The following ACKR4 variants were observed in gnomAD, a reference collection of about 807,000 sequenced individuals.
ACKR4 encodes the protein atypical chemokine receptor 4.
Under a neutral mutation model 8.5 loss-of-function variants are expected in ACKR4, and 2 were observed. The observed-to-expected ratio is 0.23, with a 90% CI of 0.10 to 0.74. The LOEUF is 0.74. Among genes scored for constraint, ACKR4 ranks in the 30% least tolerant of loss-of-function variants. The pLI, the probability that ACKR4 is intolerant of heterozygous loss-of-function variation, is 0.75. For missense variants in ACKR4, 167 were observed against 422.1 expected (o/e 0.40, Z 5.30); for synonymous variants, 67 against 145.0 (o/e 0.46, Z 3.86).
chr3:132,600,571 C>A lies in ACKR4; in HGVS notation c.174C>A (p.Gly58=), dbSNP rs1559949655. 1 of 1,613,934 alleles carries A rather than the reference C, an allele frequency of 6.2e-7. No homozygotes were observed. Residue 58 remains glycine, a synonymous_variant, in exon 2 of 2, where the codon GGC becomes GGA. Coordinates refer to ENST00000249887, the MANE Select transcript of ACKR4 (RefSeq NM_016557.4). The stretch of plus-strand genomic sequence containing the variant: ...TAGTTTTCGTCATTGGACTTGCAGG[C>A]AATTCCATGGTAGTGGCAATTTATG... ...LTIVFVIGLA[G]NSMVVAIYAY...
At chr3:132,600,350 T>A (rs1938512796) in intron 1 of ACKR4, 39 bp from the exon 2 acceptor site, 6 of 1,473,966 alleles carry the variant, frequency 4.1e-6, no homozygotes, top group Non-Finnish European at 5.4e-6. Context: ...TTAAGCATAT[T>A]TAGACAAATA....
In ACKR4 at chr3:132,602,296, A is replaced by G. The variant is rs1460045506; in HGVS notation, c.*846A>G. On this transcript the variant is annotated 3_prime_UTR_variant, in exon 2 of 2. Transcript: ENST00000249887. ...TTCTATGATGTCAACTTTCTTACTA[A>G]TAACTGGTTATCATGACAAATGTTA... 1 of 166,980 alleles carries G rather than the reference A, an allele frequency of 6.0e-6. No homozygotes were observed. Among genetic ancestry groups the G allele is most frequent in the South Asian group, 2.1e-4 (1 of 4,834 alleles). The allele number at this position is 166,980 out of a possible 1,614,324, so 10.3% of individuals were successfully genotyped here. A position where few individuals can be genotyped will look rare whatever the true frequency, so the allele number is the denominator to read the frequency against.
In ACKR4 at chr3:132,597,506, T is replaced by C. The variant is rs117854933; in HGVS notation, c.-10+183T>C. Among the ~76,000 whole-genome samples, 716 of 152,168 alleles carry C rather than the reference T, an allele frequency of 4.7e-3. 17 individuals are homozygous for C. In the East Asian group the frequency reaches 0.077, roughly 16 times the overall value. On this transcript the variant is annotated intron_variant, in intron 1 of 1. Transcript: ENST00000249887. ...TTAACCTTAAATGAAAATCTTAATA[T>C]AGCAAGAAGAAAATACGATTTTAAA...
In ACKR4 at chr3:132,601,674, T is replaced by C. The variant is rs998327776; in HGVS notation, c.*224T>C. 6.2e-6 allele frequency: 3 copies of C among 485,964 alleles called. No homozygotes were observed. Among genetic ancestry groups the C allele is most frequent in the Non-Finnish European group, 1.2e-5 (3 of 255,386 alleles). 30.1% of individuals were successfully genotyped at this position (485,964 alleles called of 1,614,324 possible). ...AATGAACAATATAGGAAAATAATTG[T>C]AACAGGCATAAGTGAATAACACTCT... On this transcript the variant is annotated 3_prime_UTR_variant, in exon 2 of 2. Coordinates refer to ENST00000249887, the MANE Select transcript of ACKR4 (RefSeq NM_016557.4).
chr3:132,600,793 T>G lies in ACKR4; in HGVS notation c.396T>G (p.Cys132Trp). 3.1e-6 allele frequency: 5 copies of G among 1,614,034 alleles called. No homozygotes were observed. The highest frequency in any genetic ancestry group is 4.2e-6 in the Non-Finnish European group (5 of 1,179,858). Residue 132 changes from cysteine (C) to tryptophan (W), a missense_variant, in exon 2 of 2, where the codon TGT (cysteine) becomes TGG (tryptophan). Coordinates refer to ENST00000249887, the MANE Select transcript of ACKR4 (RefSeq NM_016557.4). ...TCTCTGGAATGCAGTTTCTGGCTTG[T>G]ATCAGCATAGACAGATATGTGGCAG... Reference protein sequence around the residue: ...NFVSGMQFLACISIDRYVAVT... With the variant: ...NFVSGMQFLAWISIDRYVAVT...
intron 1 of ACKR4, 114 bp from the exon 2 acceptor site, chr3:132,600,275 T>C (rs1938509884): frequency 3.4e-6 from 3 of 879,256 alleles, no homozygotes; most frequent in South Asian, 3.8e-5. Context: ...CAGGCTCACA[T>C]ATGTTACAGC....
At chr3:132,600,016 A>C (rs1400342096) in intron 1 of ACKR4, among the ~76,000 whole-genome samples, 1 of 152,234 alleles carries the variant, frequency 6.6e-6, no homozygotes, top group Non-Finnish European at 1.5e-5. Context: ...TGTAAAGATT[A>C]TAACACTATT....
Position 132,600,916 on chromosome 3 carries a change from G to T in ACKR4, c.519G>T (p.Leu173=), listed in dbSNP as rs768191948. The change falls in exon 2 of 2, where the codon CTG becomes CTT. Residue 173 remains leucine, a synonymous_variant. Transcript: ENST00000249887. ...CCATCTTGCTGAGCATACCCCAGCT[G>T]GTTTTTTATACAGTAAATGACAATG... is the stretch of plus-strand genomic sequence containing the variant. ...MAAILLSIPQ[L]VFYTVNDNAR... The T allele has an allele frequency of 2.5e-6, 4 of 1,611,786 alleles. No individual in the cohort carries two copies. The highest frequency in any genetic ancestry group is 3.3e-4 in the Middle Eastern group (2 of 6,054).
intron 1 of ACKR4, among the ~76,000 whole-genome samples, chr3:132,598,589 T>C (rs1938417405): frequency 6.6e-6 from 1 of 152,356 alleles, no homozygotes; most frequent in East Asian, 1.9e-4. Context: ...AGATTGCTAA[T>C]ACATCAGGAA....
chr3:132,600,319 C>A, intron 1 of ACKR4, 70 bp from the exon 2 acceptor site: 1 of 1,309,754 alleles, frequency 7.6e-7, no homozygotes, highest in Non-Finnish European at 1.0e-6. Context: ...AACAAAACAG[C>A]TTGATAAAAA....
Position 132,601,707 on chromosome 3 carries a change from C to T in ACKR4, c.*257C>T, listed in dbSNP as rs1419329458. On this transcript the variant is annotated 3_prime_UTR_variant, in exon 2 of 2. Transcript: ENST00000249887. ...ATAAGTGAATAACACTCTGCTGTAA[C>T]GAAGAAGAGCTTTGTGGTGATAATT... 1.3e-5 allele frequency: 6 copies of T among 450,206 alleles called. No individual in the cohort carries two copies. Among genetic ancestry groups the T allele is most frequent in the South Asian group, 6.5e-5 (3 of 46,240 alleles). 27.9% of individuals were successfully genotyped at this position (450,206 alleles called of 1,614,324 possible).
Position 132,601,027 on chromosome 3 carries a change from A to G in ACKR4, c.630A>G (p.Val210=), listed in dbSNP as rs1938565302. 1.2e-6 allele frequency: 2 copies of G among 1,613,894 alleles called. No individual in the cohort carries two copies. Among genetic ancestry groups the G allele is most frequent in the Non-Finnish European group, 8.5e-7 (1 of 1,179,832 alleles). ...TGCTAGAGATCTGCATTGGATTTGT[A>G]GTACCCTTTCTTATTATGGGGGTGT... ...IQMLEICIGF[V]VPFLIMGVCY... Residue 210 remains valine (V), a synonymous_variant, in exon 2 of 2, where the codon GTA becomes GTG. Coordinates refer to ENST00000249887, the MANE Select transcript of ACKR4 (RefSeq NM_016557.4).
Position 132,601,081 on chromosome 3 carries a change from G to A in ACKR4, c.684G>A (p.Met228Ile). Reference sequence around the variant, plus strand: ...ACTTTATCACAGCAAGGACACTCATGAAGATGCCAAACATTAAAATATCTC... The same window carrying A: ...ACTTTATCACAGCAAGGACACTCATAAAGATGCCAAACATTAAAATATCTC... ...VCYFITARTL[M>I]KMPNIKISRP... The change falls in exon 2 of 2, where the codon ATG becomes ATA. Residue 228 changes from methionine (M) to isoleucine (I), a missense_variant. Met to Ile is a conservative substitution (Grantham distance 10). This residue lies in a region of ACKR4 where 149 missense variants were observed against 281.9 expected (regional missense o/e 0.53). Coordinates refer to ENST00000249887, the MANE Select transcript of ACKR4 (RefSeq NM_016557.4). The A allele has an allele frequency of 6.8e-6, 11 of 1,613,906 alleles. No individual in the cohort carries two copies. Among genetic ancestry groups the A allele is most frequent in the Non-Finnish European group, 9.3e-6 (11 of 1,179,870 alleles).
intron 1 of ACKR4, among the ~76,000 whole-genome samples, chr3:132,598,947 T>C (rs971676994): frequency 2.0e-4 from 31 of 152,076 alleles, no homozygotes; most frequent in African/African-American, 7.5e-4. Flanking sequence ...GATCAAATAC[T>C]CTGGTGGAAG....
chr3:132,599,832 A>G (rs1341671327), intron 1 of ACKR4, among the ~76,000 whole-genome samples: 1 of 152,140 alleles, frequency 6.6e-6, no homozygotes, highest in Non-Finnish European at 1.5e-5. Context: ...TATAAAAGGC[A>G]ACTAGTGAAA....
At chr3:132,599,183 T>G (rs1938455327) in intron 1 of ACKR4, among the ~76,000 whole-genome samples, 1 of 151,828 alleles carries the variant, frequency 6.6e-6, no homozygotes, top group South Asian at 2.1e-4. Context: ...ACTCATAACC[T>G]GGTCAATAAA....
In ACKR4 at chr3:132,602,067, A is replaced by G. The variant is rs1938631652; in HGVS notation, c.*617A>G. ...TTTTAATTATCTAAGTTTTAATACA[A>G]GAACGATTTCCCTGCATAATTTTAG... On this transcript the variant is annotated 3_prime_UTR_variant, in exon 2 of 2. Transcript: ENST00000249887. 6.0e-6 allele frequency: 1 copy of G among 166,918 alleles called. No homozygotes were observed. Among genetic ancestry groups the G allele is most frequent in the Admixed American group, 6.5e-5 (1 of 15,284 alleles). The allele number at this position is 166,918 out of a possible 1,614,324, so 10.3% of individuals were successfully genotyped here. A position where few individuals can be genotyped will look rare whatever the true frequency, so the allele number is the denominator to read the frequency against.
Position 132,601,729 on chromosome 3 carries a change from A to C in ACKR4, c.*279A>C. 2.3e-6 allele frequency: 1 copy of C among 434,578 alleles called. No individual in the cohort carries two copies. Among genetic ancestry groups the C allele is most frequent in the Non-Finnish European group, 4.5e-6 (1 of 224,218 alleles). 26.9% of individuals were successfully genotyped at this position (434,578 alleles called of 1,614,324 possible). On this transcript the variant is annotated 3_prime_UTR_variant, in exon 2 of 2. Coordinates refer to ENST00000249887, the MANE Select transcript of ACKR4 (RefSeq NM_016557.4). ...TAACGAAGAAGAGCTTTGTGGTGAT[A>C]ATTTTGTATCTTGGTTGCAGTGGTG...
At chr3:132,599,514 AATTAAAT>A (rs1206422464) in intron 1 of ACKR4, among the ~76,000 whole-genome samples, 1 of 152,088 alleles carries the variant, frequency 6.6e-6, no homozygotes, top group African/African-American at 2.4e-5. Context: ...TCAAAAAAAA[AATTAAAT>A]ATTAAATATT....
Sources: allele counts gnomAD v4.1 joint callset (sites outside exome capture counted in the v4.1 genomes callset), GRCh38; gene constraint gnomAD v4.1.1; regional missense constraint gnomAD v4.1.1; transcripts MANE v1.5; gene names NCBI Gene and HGNC (gene_info 2026-07-23, HGNC 2026-07-21).